SLC12A5: variants seen among roughly 807,000 people sequenced by gnomAD.
SLC12A5 encodes solute carrier family 12 member 5.
SLC12A5 carries 18 observed loss-of-function variants against 124.0 expected under a neutral mutation model. The observed-to-expected ratio is 0.15, with a 90% confidence interval of 0.10 to 0.22. The LOEUF is 0.22. Ranked by LOEUF, SLC12A5 falls within the 10% of genes least tolerant of loss-of-function variation. The pLI is 1.00. For missense variants in SLC12A5, 867 were observed against 1,478.7 expected (o/e 0.59, Z 6.78); for synonymous variants, 589 against 568.0 (o/e 1.04, Z -0.53).
At chr20:46,030,941 T>TC (rs960330574) in intron 1 of SLC12A5, among the ~76,000 whole-genome samples, 6 of 151,166 alleles carry the variant, frequency 4.0e-5, no homozygotes, top group Admixed American at 1.3e-4. Context: ...ATCCGCCCCC[T>TC]CCCCCGCGGG....
intron 16 of SLC12A5, among the ~76,000 whole-genome samples, chr20:46,048,892 G>A (rs2084624159): frequency 1.3e-5 from 2 of 151,038 alleles, no homozygotes; most frequent in African/African-American, 4.9e-5. Flanking sequence ...GGAAATTGGA[G>A]GTCAGAGAGG....
Position 46,029,330 on chromosome 20 carries a change from G to C in SLC12A5, c.-15G>C. On this transcript the variant is annotated 5_prime_UTR_variant, in exon 1 of 26. Coordinates refer to ENST00000243964, the MANE Select transcript of SLC12A5 (RefSeq NM_020708.5). The stretch of plus-strand genomic sequence containing the variant: ...GCGGCGCAGCCATCCCCGGACCAGG[G>C]GCCGCGCCGCCACCATGCTAAACAA... 1.9e-6 allele frequency: 3 copies of C among 1,542,840 alleles called. No homozygotes were observed. The highest frequency in any genetic ancestry group is 2.6e-6 in the Non-Finnish European group (3 of 1,143,418).
At chr20:46,035,994 G>T in intron 4 of SLC12A5, 71 bp downstream of exon 4, 1 of 1,529,816 alleles carries the variant, frequency 6.5e-7, no homozygotes, top group Non-Finnish European at 8.8e-7. Context: ...GTGGGAGGTG[G>T]GAGGATGGAA....
chr20:46,043,800 C>T (rs1019915011), intron 10 of SLC12A5, 69 bp downstream of exon 10: 2 of 1,612,642 alleles, frequency 1.2e-6, no homozygotes, highest in South Asian at 1.1e-5. Context: ...GAACTTGCTG[C>T]CTTACCTGCT....
rs367589157 is a variant in SLC12A5, at chr20:46,059,591, G to T, written c.*1986G>T. 1.3e-4 allele frequency: 53 copies of T among 398,958 alleles called. 1 individual carries two copies. Among genetic ancestry groups the T allele is most frequent in the East Asian group, 6.1e-4 (17 of 28,092 alleles). The allele number at this position is 398,958 out of a possible 1,614,324, so 24.7% of individuals were successfully genotyped here. ...TTAGGGAACCAAAGTTGCACTATCT[G>T]GGCCCAGATTGTCTGGTTGGCAAGA... On this transcript the variant is annotated 3_prime_UTR_variant, in exon 26 of 26. Transcript: ENST00000243964.
Position 46,058,703 on chromosome 20 carries a change from GC to G in SLC12A5, c.*1103del, listed in dbSNP as rs1194865673. 9 of 398,926 alleles carry G rather than the reference GC, an allele frequency of 2.3e-5. No homozygotes were observed. The highest frequency in any genetic ancestry group is 2.2e-4 in the Admixed American group (5 of 22,728). 24.7% of individuals were successfully genotyped at this position (398,926 alleles called of 1,614,324 possible). On this transcript the variant is annotated 3_prime_UTR_variant, in exon 26 of 26. Transcript: ENST00000243964. This position sits in a 1 kb window ranked among gnomAD's most constrained non-coding sequence, Gnocchi z 5.8. The stretch of plus-strand genomic sequence containing the variant: ...GACTGAAATTGTGGAGCTGGAGGGC[GC>G]CCCCTCCCCGGAGTTTCCTCCCTGG...
intron 17 of SLC12A5, among the ~76,000 whole-genome samples, chr20:46,050,677 G>A (rs1014509371): frequency 2.6e-5 from 4 of 152,224 alleles, no homozygotes; most frequent in Admixed American, 2.6e-4. Context: ...CGCGGTGGCT[G>A]AGAATGTGCA....
intron 7 of SLC12A5, 116 bp from the exon 8 acceptor site, chr20:46,041,213 A>C: frequency 1.3e-6 from 1 of 798,668 alleles, no homozygotes; most frequent in East Asian, 2.8e-5. Context: ...TAAACGAGGA[A>C]CTCTGGATAT....
Position 46,051,815 on chromosome 20 carries a change from C to A in SLC12A5, c.2322C>A (p.Gly774=). Residue 774 remains glycine (G), a synonymous_variant, in exon 18 of 26, where the codon GGC becomes GGA. Transcript: ENST00000243964. The part of the protein sequence containing the change: ...GGLQHNTVLV[G]WPRNWRQKED... ...TGCAGCACAACACTGTGCTTGTTGG[C>A]TGGCCCCGCAACTGGCGCCAGAAGG... 1 of 1,579,950 alleles carries A rather than the reference C, an allele frequency of 6.3e-7. No individual in the cohort carries two copies. Among genetic ancestry groups the A allele is most frequent in the Non-Finnish European group, 8.6e-7 (1 of 1,164,364 alleles).
chr20:46,040,872 G>A (rs1335064267), intron 7 of SLC12A5: 1 of 544,650 alleles, frequency 1.8e-6, no homozygotes, highest in Non-Finnish European at 3.2e-6. Context: ...GAAGAATTAA[G>A]TGGGAATGAG....
rs1314476678 is a variant in SLC12A5 at position 46,029,389 on chromosome 20, C to A, written c.45C>A (p.Ala15=). ...ACTGCGAGGACGGCGATGGGGGAGC[C>A]AACCCGGGTAAGCTGTGGTCCGGGG... ...LTDCEDGDGG[A]NPGDGNPKES... Residue 15 remains alanine, a synonymous_variant, in exon 1 of 26, where the codon GCC becomes GCA. Transcript: ENST00000243964. 6 of 1,549,016 alleles carry A rather than the reference C, an allele frequency of 3.9e-6. No individual in the cohort carries two copies. The highest frequency in any genetic ancestry group is 2.0e-5 in the Admixed American group (1 of 50,874).
intron 14 of SLC12A5, among the ~76,000 whole-genome samples, chr20:46,047,030 G>C (rs888355254): frequency 6.6e-6 from 1 of 152,206 alleles, no homozygotes; most frequent in African/African-American, 2.4e-5. Flanking sequence ...CCGGCCCAAG[G>C]TCCCCCAGCA....
chr20:46,058,554 G>A lies in SLC12A5; in HGVS notation c.*949G>A. 1 of 399,166 alleles carries A rather than the reference G, an allele frequency of 2.5e-6. No individual in the cohort carries two copies. The highest frequency in any genetic ancestry group is 4.4e-6 in the Non-Finnish European group (1 of 226,170). 24.7% of individuals were successfully genotyped at this position (399,166 alleles called of 1,614,324 possible). A position where few individuals can be genotyped will look rare whatever the true frequency, so the allele number is the denominator to read the frequency against. Reference sequence around the variant, plus strand: ...GATAGGGGAGGGGTGCTCCTCAAGAGGAAGAAACCGAGAGGCCCGCGCCCC... The same window carrying A: ...GATAGGGGAGGGGTGCTCCTCAAGAAGAAGAAACCGAGAGGCCCGCGCCCC... On this transcript the variant is annotated 3_prime_UTR_variant, in exon 26 of 26. Coordinates refer to ENST00000243964, the MANE Select transcript of SLC12A5 (RefSeq NM_020708.5). This position sits in a 1 kb window ranked among gnomAD's most constrained non-coding sequence, Gnocchi z 5.8.
chr20:46,046,302 C>T (rs931663432), intron 13 of SLC12A5, 36 bp from the exon 14 acceptor site: 5 of 1,572,906 alleles, frequency 3.2e-6, no homozygotes, highest in Non-Finnish European at 4.4e-6. Context: ...CCTCCCTTTG[C>T]ATCTCTGTCT....
Position 46,035,903 on chromosome 20 carries a change from G to A in SLC12A5, c.406G>A (p.Val136Met). The A allele has an allele frequency of 6.2e-7, 1 of 1,612,948 alleles. No individual in the cohort carries two copies. The highest frequency in any genetic ancestry group is 8.5e-7 in the Non-Finnish European group (1 of 1,179,158). The part of the protein sequence containing the change: ...IAGIMESFCM[V>M]FICCSCTMLT... The stretch of plus-strand genomic sequence containing the variant: ...AGGCATCATGGAGTCCTTCTGCATG[G>A]TGTTCATCTGCTGCTCCTGTGTGAG... Residue 136 changes from valine (V) to methionine (M), a missense_variant, in exon 4 of 26, where the codon GTG (valine) becomes ATG (methionine). By Grantham distance (21) the Val-to-Met change is conservative (BLOSUM62 1). This residue lies in a region of SLC12A5 where 126 missense variants were observed against 291.6 expected (regional missense o/e 0.43). Coordinates refer to ENST00000243964, the MANE Select transcript of SLC12A5 (RefSeq NM_020708.5).
At chr20:46,039,389 A>G (rs2084525379) in intron 6 of SLC12A5, among the ~76,000 whole-genome samples, 1 of 152,242 alleles carries the variant, frequency 6.6e-6, no homozygotes, top group Non-Finnish European at 1.5e-5. Context: ...ACACATTTAT[A>G]AAAATGAGAT....
intron 1 of SLC12A5, chr20:46,022,034 C>G: frequency 1.0e-6 from 1 of 990,056 alleles, no homozygotes; most frequent in Non-Finnish European, 1.4e-6. Context: ...GGAGCCAGGA[C>G]TAGGAAACCA....
chr20:46,040,236 C>T (rs1469537365), intron 6 of SLC12A5, 137 bp from the exon 7 acceptor site: 3 of 1,285,626 alleles, frequency 2.3e-6, no homozygotes, highest in East Asian at 2.3e-5. Context: ...TTTAGCGATT[C>T]TCCTATTACT....
intron 1 of SLC12A5, among the ~76,000 whole-genome samples, chr20:46,031,410 G>C (rs115625403): frequency 0.011 from 1,682 of 152,262 alleles, 33 homozygotes; most frequent in African/African-American, 0.039. Context: ...GCGGTGCTTG[G>C]AGATGGTAGT....
Sources: allele counts gnomAD v4.1 joint callset (sites outside exome capture counted in the v4.1 genomes callset), GRCh38; gene constraint gnomAD v4.1.1; regional missense constraint gnomAD v4.1.1; non-coding constraint Gnocchi (gnomAD v3.1); transcripts MANE v1.5; gene names NCBI Gene and HGNC (gene_info 2026-07-23, HGNC 2026-07-21).